FAM168A: variants seen among roughly 807,000 people sequenced by gnomAD.
The protein encoded by FAM168A is family with sequence similarity 168 member A, also known as protein FAM168A.
Under a neutral mutation model 28.5 loss-of-function variants are expected in FAM168A, and 3 were observed. The observed-to-expected ratio is 0.11, with a 90% CI of 0.05 to 0.27. The LOEUF (loss-of-function observed/expected upper bound fraction) is 0.27, where lower values mean the gene tolerates loss of function less well. Among genes scored for constraint, FAM168A ranks in the 10% least tolerant of loss-of-function variants. FAM168A has a pLI of 1.00. For missense variants in FAM168A, 222 were observed against 311.5 expected, an observed-to-expected ratio of 0.71 and a Z score of 2.16; for synonymous variants, 122 against 124.2, an observed-to-expected ratio of 0.98 and a Z score of 0.12.
chr11:73,594,573 CTT>C (rs368581135), intron 1 of FAM168A, among the ~76,000 whole-genome samples: 13 of 152,234 alleles, frequency 8.5e-5, no homozygotes, highest in African/African-American at 2.4e-4. Flanking sequence ...GAGTTTCGCT[CTT>C]GTTGCCTATG....
Position 73,411,405 on chromosome 11 carries a change from G to T in FAM168A, c.409C>A (p.Leu137Met). The change falls in exon 5 of 8, where the codon CTG becomes ATG. Residue 137 changes from leucine (L) to methionine (M), a missense_variant. Around this residue, in one of 3 missense-constraint regions of FAM168A, gnomAD observed 153 missense variants for 189.2 expected, o/e 0.81. Transcript: ENST00000356467. ...TGACATGTACCTACCTGGGCATACA[G>T]ATTCTGCTGGGGGTAGGCACTTCTG... is the stretch of plus-strand genomic sequence containing the variant. ...PIRSAYPQQNLYAQGAYYTQP... is the reference protein window; with the variant it reads ...PIRSAYPQQNMYAQGAYYTQP... 1 of 1,603,776 alleles carries T rather than the reference G, an allele frequency of 6.2e-7. No individual in the cohort carries two copies. The highest frequency in any genetic ancestry group is 1.1e-5 in the South Asian group (1 of 89,300).
intron 1 of FAM168A, among the ~76,000 whole-genome samples, chr11:73,475,131 T>G (rs963029960): frequency 3.9e-5 from 6 of 152,254 alleles, no homozygotes; most frequent in Non-Finnish European, 2.9e-5. Context: ...ACGAAATATA[T>G]GACCATTAAA....
chr11:73,430,615 CAAGTGG>C, intron 3 of FAM168A, 69 bp downstream of exon 3: 1 of 1,363,092 alleles, frequency 7.3e-7, no homozygotes, highest in Non-Finnish European at 1.0e-6. Flanking sequence ...AAAAGGCCAG[CAAGTGG>C]TTTTGCTTTT....
intron 2 of FAM168A, among the ~76,000 whole-genome samples, chr11:73,433,294 A>C (rs1867029468): frequency 6.6e-6 from 1 of 151,442 alleles, no homozygotes. Context: ...AACCATTATC[A>C]GATGTATTAC....
chr11:73,402,021 C>T lies in FAM168A; in HGVS notation c.*4742G>A, dbSNP rs1193803135. 2.0e-5 allele frequency: 3 copies of T among 152,318 alleles called. No individual in the cohort carries two copies. Among genetic ancestry groups the T allele is most frequent in the Non-Finnish European group, 4.4e-5 (3 of 68,086 alleles). 9.4% of individuals were successfully genotyped at this position (152,318 alleles called of 1,614,324 possible). On this transcript the variant is annotated 3_prime_UTR_variant, in exon 8 of 8. Coordinates refer to ENST00000356467, the MANE Select transcript of FAM168A (RefSeq NM_015159.3). ...ATGCCTGCCTGTGCGCTCAGAGGCT[C>T]CGGTGTGGAATCCCATCAGTTAGTC...
At chr11:73,523,917 C>G (rs1943417579) in intron 1 of FAM168A, among the ~76,000 whole-genome samples, 1 of 148,724 alleles carries the variant, frequency 6.7e-6, no homozygotes, top group Non-Finnish European at 1.5e-5. Context: ...AGCCAGAGTA[C>G]AATGCTGTGA....
At chr11:73,572,896 T>TAAA (rs540746235) in intron 1 of FAM168A, among the ~76,000 whole-genome samples, 2,876 of 151,396 alleles carry the variant, frequency 0.019, 71 homozygotes, top group African/African-American at 0.056. Flanking sequence ...AAATAAATAA[T>TAAA]TAATTAAACA....
At chr11:73,413,495 T>C (rs1412697568) in intron 4 of FAM168A, among the ~76,000 whole-genome samples, 3 of 152,090 alleles carry the variant, frequency 2.0e-5, no homozygotes, top group African/African-American at 7.2e-5. Flanking sequence ...GCAGATACTG[T>C]GGGGGAAGAC....
chr11:73,478,188 A>G (rs956511425), intron 1 of FAM168A, among the ~76,000 whole-genome samples: 1 of 152,232 alleles, frequency 6.6e-6, no homozygotes, highest in African/African-American at 2.4e-5. Flanking sequence ...ACTGAAATAA[A>G]TGCAATAAGT....
At chr11:73,434,846 C>T (rs1867061542) in intron 2 of FAM168A, among the ~76,000 whole-genome samples, 1 of 152,184 alleles carries the variant, frequency 6.6e-6, no homozygotes, top group Non-Finnish European at 1.5e-5. Context: ...ACTGCAAGCT[C>T]CTGGCAATAG....
chr11:73,410,330 C>G (rs1866585959), intron 5 of FAM168A, among the ~76,000 whole-genome samples: 2 of 151,984 alleles, frequency 1.3e-5, no homozygotes, highest in African/African-American at 4.8e-5. Context: ...ATGGCTTGAA[C>G]CCGGGAGGCG....
At chr11:73,460,996 A>C (rs574139460) in intron 2 of FAM168A, among the ~76,000 whole-genome samples, 3 of 152,336 alleles carry the variant, frequency 2.0e-5, no homozygotes, top group Non-Finnish European at 4.4e-5. Flanking sequence ...TCTGGGTTCT[A>C]CTTCCAGGTT....
intron 1 of FAM168A, among the ~76,000 whole-genome samples, chr11:73,521,053 G>A (rs942988106): frequency 1.3e-5 from 2 of 152,108 alleles, no homozygotes; most frequent in African/African-American, 4.8e-5. Context: ...AGTGATAAAT[G>A]AGCTGATAAA....
chr11:73,520,993 T>C (rs1272497979), intron 1 of FAM168A, among the ~76,000 whole-genome samples: 2 of 152,236 alleles, frequency 1.3e-5, no homozygotes, highest in Middle Eastern at 3.4e-3. Flanking sequence ...CCTTAAAGTG[T>C]TTTGATCTAG....
chr11:73,564,764 A>G (rs1460861661), intron 1 of FAM168A, among the ~76,000 whole-genome samples: 3 of 149,176 alleles, frequency 2.0e-5, no homozygotes, highest in African/African-American at 4.9e-5. Context: ...AAAAAAAAAG[A>G]AGGCTAGAGG....
chr11:73,538,831 G>T (rs550836356), intron 1 of FAM168A, among the ~76,000 whole-genome samples: 3 of 152,234 alleles, frequency 2.0e-5, no homozygotes, highest in African/African-American at 7.2e-5. Context: ...TTGTAGGAGG[G>T]GCTGAGGCAA....
chr11:73,517,604 C>T (rs1157764571), intron 1 of FAM168A, among the ~76,000 whole-genome samples: 2 of 152,056 alleles, frequency 1.3e-5, no homozygotes, highest in Non-Finnish European at 2.9e-5. Flanking sequence ...TCGGAAGGTA[C>T]ACTCCTAACA....
intron 1 of FAM168A, among the ~76,000 whole-genome samples, chr11:73,524,401 G>A (rs1242140338): frequency 6.6e-6 from 1 of 151,380 alleles, no homozygotes; most frequent in Admixed American, 6.6e-5. Context: ...ACTATGAGGA[G>A]TTTCTCTAAC....
At chr11:73,426,288 A>G (rs2134504264) in intron 3 of FAM168A, among the ~76,000 whole-genome samples, 1 of 152,296 alleles carries the variant, frequency 6.6e-6, no homozygotes, top group East Asian at 1.9e-4. Context: ...GTTCTTAAAT[A>G]AGATCCCTGA....
Sources: gnomAD v4.1 joint callset for allele counts (sites outside exome capture counted in the v4.1 genomes callset) on GRCh38, gnomAD v4.1.1 for gene constraint, gnomAD v4.1.1 regional missense constraint, MANE v1.5 for transcripts, NCBI Gene and HGNC (gene_info 2026-07-23, HGNC 2026-07-21) for gene names.